The following AMBRA1 variants were observed in gnomAD, a reference collection of about 807,000 sequenced individuals.
The protein encoded by AMBRA1 is autophagy and beclin 1 regulator 1.
AMBRA1 carries 47 observed loss-of-function variants against 125.4 expected under a neutral mutation model. The ratio of observed to expected loss-of-function variants is 0.37; its 90% confidence interval spans 0.30 to 0.48. The LOEUF (loss-of-function observed/expected upper bound fraction) is 0.48. Among genes scored for constraint, AMBRA1 ranks in the 20% least tolerant of loss-of-function variants. AMBRA1 has a pLI of 0.99. For missense variants in AMBRA1, 1,331 were observed against 1,693.4 expected, an observed-to-expected ratio of 0.79 and a Z score of 3.76; for synonymous variants, 626 against 655.5, an observed-to-expected ratio of 0.95 and a Z score of 0.69.
rs201421498 is a variant in AMBRA1, at chr11:46,549,825, TG to T, written c.-120-1326del. ...GTGACACTAGCTTTTCTTTCTTTTTTGGGGGGGGTGGGGGACAGAGTCTCAC... is the reference window on the plus strand; with the variant it reads ...GTGACACTAGCTTTTCTTTCTTTTTTGGGGGGGTGGGGGACAGAGTCTCAC... On this transcript the variant is annotated intron_variant, in intron 1 of 17. Transcript: ENST00000683756. Among the ~76,000 whole-genome samples the T allele has an allele frequency of 1.2e-3, 182 of 149,426 alleles. 1 individual carries two copies. In the South Asian group the frequency reaches 0.015, roughly 12 times the overall value.
chr11:46,426,448 GT>G (rs1053006585), intron 14 of AMBRA1, among the ~76,000 whole-genome samples: 1 of 152,150 alleles, frequency 6.6e-6, no homozygotes, highest in African/African-American at 2.4e-5. Flanking sequence ...GCTCAATAAA[GT>G]TTTTTTGAGT....
intron 12 of AMBRA1, among the ~76,000 whole-genome samples, chr11:46,439,050 C>T (rs1947869273): frequency 6.6e-6 from 1 of 152,130 alleles, no homozygotes; most frequent in Admixed American, 6.5e-5. Context: ...GCAGGGTAAT[C>T]ACTTGAGGTC....
chr11:46,530,309 G>C (rs1311019777), intron 7 of AMBRA1, among the ~76,000 whole-genome samples: 2 of 152,202 alleles, frequency 1.3e-5, no homozygotes, highest in Admixed American at 1.3e-4. Flanking sequence ...TTCAGCCCCA[G>C]AGAGAGGAAT....
chr11:46,572,590 A>G (rs138977915), intron 1 of AMBRA1, among the ~76,000 whole-genome samples: 172 of 152,328 alleles, frequency 1.1e-3, no homozygotes, highest in African/African-American at 4.0e-3. Context: ...TATCTTTGAT[A>G]TGGCAGAAGC....
In AMBRA1 at chr11:46,579,709, ATGTTT is replaced by A. The variant is rs373151442; in HGVS notation, c.-121+14114_-121+14118del. 1.1e-3 allele frequency among the ~76,000 whole-genome samples: 171 copies of A among 152,032 alleles called. 1 individual carries two copies. The highest frequency in any genetic ancestry group is 4.1e-3 in the African/African-American group (170 of 41,496). On this transcript the variant is annotated intron_variant, in intron 1 of 17. Transcript: ENST00000683756. The stretch of plus-strand genomic sequence containing the variant: ...GTATACTTCTTATGAGGAAACAGAC[ATGTTT>A]TGTTTTGTTTTGTTTTGAGATGGAT...
intron 17 of AMBRA1, 87 bp from the exon 18 acceptor site, chr11:46,398,030 G>A (rs970993151): frequency 1.3e-6 from 2 of 1,485,976 alleles, no homozygotes; most frequent in African/African-American, 1.4e-5. Context: ...AGCAGCTGGG[G>A]GATTCTTGAC....
rs138526841 is a variant in AMBRA1, at chr11:46,445,905, G to A, written c.2522-2307C>T. ...ACTTCATATTTTAAGAGCTTATTCTGGGGGAAGGGATAAGAACTACAAACA... is the reference window on the plus strand; with the variant it reads ...ACTTCATATTTTAAGAGCTTATTCTAGGGGAAGGGATAAGAACTACAAACA... On this transcript the variant is annotated intron_variant, in intron 11 of 17. Transcript: ENST00000683756. 1.4e-4 allele frequency among the ~76,000 whole-genome samples: 22 copies of A among 152,286 alleles called. No homozygotes were observed. In the East Asian group the frequency reaches 4.0e-3, roughly 28 times the overall value.
At chr11:46,423,335 T>C (rs1265739849) in intron 14 of AMBRA1, among the ~76,000 whole-genome samples, 1 of 152,214 alleles carries the variant, frequency 6.6e-6, no homozygotes, top group African/African-American at 2.4e-5. Context: ...CTTTATATTC[T>C]ATGTTGGAAT....
intron 9 of AMBRA1, among the ~76,000 whole-genome samples, chr11:46,505,973 G>A (rs947615394): frequency 6.6e-6 from 1 of 152,146 alleles, no homozygotes; most frequent in African/African-American, 2.4e-5. Context: ...GACTCCCAGG[G>A]CTCCACAGCA....
intron 15 of AMBRA1, among the ~76,000 whole-genome samples, chr11:46,413,753 A>C (rs1946405415): frequency 6.6e-6 from 1 of 152,112 alleles, no homozygotes; most frequent in Non-Finnish European, 1.5e-5. Flanking sequence ...AGCCTCCCAA[A>C]GTGCTGGGAT....
At chr11:46,433,188 A>G (rs773240343) in intron 14 of AMBRA1, among the ~76,000 whole-genome samples, 12 of 152,238 alleles carry the variant, frequency 7.9e-5, no homozygotes, top group Non-Finnish European at 1.0e-4. Context: ...TCCAGATTAA[A>G]AGTTTCACGT....
intron 1 of AMBRA1, among the ~76,000 whole-genome samples, chr11:46,557,967 G>C (rs1156591398): frequency 6.6e-6 from 1 of 151,906 alleles, no homozygotes; most frequent in Non-Finnish European, 1.5e-5. Flanking sequence ...GCAAGACTCA[G>C]AGAGGACCTG....
chr11:46,486,778 C>T (rs1446339940), intron 11 of AMBRA1, among the ~76,000 whole-genome samples: 3 of 152,052 alleles, frequency 2.0e-5, no homozygotes, highest in Non-Finnish European at 4.4e-5. Context: ...TGGTCGTGGG[C>T]ACCTATAATC....
chr11:46,496,722 C>T (rs547964030), intron 9 of AMBRA1, among the ~76,000 whole-genome samples: 2 of 151,958 alleles, frequency 1.3e-5, no homozygotes, highest in East Asian at 1.9e-4. Context: ...AATGTGGGCC[C>T]GTACAACGTA....
intron 7 of AMBRA1, among the ~76,000 whole-genome samples, chr11:46,528,528 C>T (rs988820749): frequency 6.6e-6 from 1 of 152,122 alleles, no homozygotes; most frequent in African/African-American, 2.4e-5. Flanking sequence ...AATAACCCAA[C>T]CACAAAAAGA....
chr11:46,558,634 A>G (rs2043233921), intron 1 of AMBRA1, among the ~76,000 whole-genome samples: 1 of 152,032 alleles, frequency 6.6e-6, no homozygotes, highest in African/African-American at 2.4e-5. Context: ...TTTTCTACAG[A>G]AAACCCACTA....
chr11:46,501,751 C>T (rs1407537152), intron 9 of AMBRA1, among the ~76,000 whole-genome samples: 1 of 152,184 alleles, frequency 6.6e-6, no homozygotes, highest in African/African-American at 2.4e-5. Flanking sequence ...AAACAGCTCA[C>T]ATTTATTTCA....
At chr11:46,492,657 T>C (rs1302042945) in intron 11 of AMBRA1, among the ~76,000 whole-genome samples, 2 of 152,216 alleles carry the variant, frequency 1.3e-5, no homozygotes, top group East Asian at 3.9e-4. Context: ...CTTCCTTCTC[T>C]AGAGACTGAC....
chr11:46,455,520 C>A (rs1590852956), intron 11 of AMBRA1, among the ~76,000 whole-genome samples: 1 of 152,286 alleles, frequency 6.6e-6, no homozygotes, highest in East Asian at 1.9e-4. Context: ...GAATAATATT[C>A]AACTCTACAG....
Sources: gnomAD v4.1 joint callset for allele counts (sites outside exome capture counted in the v4.1 genomes callset) on GRCh38, gnomAD v4.1.1 for gene constraint, MANE v1.5 for transcripts, NCBI Gene and HGNC (gene_info 2026-07-23, HGNC 2026-07-21) for gene names.